RPS6KA3: variants seen among roughly 807,000 people sequenced by gnomAD.
The protein encoded by RPS6KA3 is ribosomal protein S6 kinase alpha-3.
Under a neutral mutation model 67.2 loss-of-function variants are expected in RPS6KA3, and 4 were observed. The observed-to-expected ratio is 0.06, with a 90% confidence interval of 0.03 to 0.14. The LOEUF (loss-of-function observed/expected upper bound fraction) is 0.14. Among genes scored for constraint, RPS6KA3 ranks in the 10% least tolerant of loss-of-function variants. The pLI, the probability that RPS6KA3 is intolerant of heterozygous loss-of-function variation, is 1.00. For synonymous variants in RPS6KA3, 182 were observed against 183.7 expected (o/e 0.99, Z 0.07); for missense variants, 204 against 559.0 (o/e 0.36, Z 6.40).
At chrX:20,228,566 T>C (rs111829478) in intron 2 of RPS6KA3, among the ~76,000 whole-genome samples, 3,493 of 111,068 alleles carry the variant, frequency 0.031, 136 homozygotes, top group African/African-American at 0.1. Context: ...CTGTGAAATA[T>C]CTTCTGTCTC....
chrX:20,238,166 C>T (rs925007764), intron 1 of RPS6KA3, among the ~76,000 whole-genome samples: 13 of 111,445 alleles, frequency 1.2e-4, no homozygotes, highest in African/African-American at 4.2e-4. Flanking sequence ...TCTCTGAACA[C>T]ACTCCAAATC....
intron 1 of RPS6KA3, among the ~76,000 whole-genome samples, chrX:20,265,127 T>C (rs1161437088): frequency 1.8e-5 from 2 of 111,822 alleles, no homozygotes; most frequent in Admixed American, 9.5e-5. Flanking sequence ...AAGAGCAGCA[T>C]TTAGTTCAGG....
At chrX:20,198,073 G>T (rs772964834) in intron 4 of RPS6KA3, among the ~76,000 whole-genome samples, 1 of 112,044 alleles carries the variant, frequency 8.9e-6, no homozygotes, top group African/African-American at 3.2e-5. Flanking sequence ...TAATGTTATT[G>T]ACTTGTATTT....
chrX:20,250,177 T>C (rs987677081), intron 1 of RPS6KA3, among the ~76,000 whole-genome samples: 1 of 111,437 alleles, frequency 9.0e-6, no homozygotes, highest in African/African-American at 3.3e-5. Flanking sequence ...CTTAAAATCA[T>C]TTGGAAGGGT....
intron 2 of RPS6KA3, among the ~76,000 whole-genome samples, chrX:20,221,926 G>A (rs1226940871): frequency 8.9e-6 from 1 of 112,547 alleles, no homozygotes; most frequent in East Asian, 2.8e-4. Flanking sequence ...TAATAAGGAA[G>A]GAACCACATC....
intron 6 of RPS6KA3, among the ~76,000 whole-genome samples, 196 bp from the exon 7 acceptor site, chrX:20,193,789 T>C (rs963328975): frequency 1.8e-5 from 2 of 112,355 alleles, no homozygotes; most frequent in African/African-American, 3.2e-5. Context: ...ATACTAACTA[T>C]GCACTATGGG....
chrX:20,157,880 G>A (rs2067223603), intron 20 of RPS6KA3, among the ~76,000 whole-genome samples: 1 of 111,623 alleles, frequency 9.0e-6, no homozygotes, highest in South Asian at 3.7e-4. Context: ...TTACCGTGAA[G>A]GAGAATGTGG....
At chrX:20,165,171 C>G in intron 17 of RPS6KA3, 111 bp from the exon 18 acceptor site, 1 of 580,437 alleles carries the variant, frequency 1.7e-6, no homozygotes, top group Non-Finnish European at 3.0e-6. Context: ...GAGTGCTGAC[C>G]TTTAAATTAG....
intron 4 of RPS6KA3, among the ~76,000 whole-genome samples, chrX:20,195,876 C>T (rs894519009): frequency 6.3e-5 from 7 of 111,892 alleles, no homozygotes; most frequent in Non-Finnish European, 1.1e-4. Flanking sequence ...AGCATATGAC[C>T]ATTTGAGATA....
intron 1 of RPS6KA3, among the ~76,000 whole-genome samples, chrX:20,253,932 G>A (rs2069959641): frequency 9.0e-6 from 1 of 110,987 alleles, no homozygotes; most frequent in South Asian, 3.9e-4. Context: ...GTGGTGGGCA[G>A]GAGATAGCTT....
chrX:20,238,168 C>T (rs2069463996), intron 1 of RPS6KA3, among the ~76,000 whole-genome samples: 1 of 111,486 alleles, frequency 9.0e-6, no homozygotes, highest in African/African-American at 3.3e-5. Context: ...TCTGAACACA[C>T]TCCAAATCAT....
intron 10 of RPS6KA3, among the ~76,000 whole-genome samples, chrX:20,182,823 T>C (rs1288864789): frequency 8.9e-6 from 1 of 111,839 alleles, no homozygotes; most frequent in Non-Finnish European, 1.9e-5. Context: ...CTTCCAGCTA[T>C]GTATAAAAGT....
At chrX:20,241,248 A>G (rs1206198547) in intron 1 of RPS6KA3, among the ~76,000 whole-genome samples, 1 of 109,475 alleles carries the variant, frequency 9.1e-6, no homozygotes, top group Non-Finnish European at 1.9e-5. Flanking sequence ...GATCCACCTC[A>G]TGTTTTTTGA....
chrX:20,253,556 C>A (rs56795160), intron 1 of RPS6KA3, among the ~76,000 whole-genome samples: 36,492 of 109,897 alleles, frequency 0.33, 7,494 homozygotes, highest in African/African-American at 0.77. Flanking sequence ...GTTATGTCTA[C>A]AGTGTTTTCG....
At chrX:20,215,912 T>C (rs960781545) in intron 2 of RPS6KA3, among the ~76,000 whole-genome samples, 1 of 112,308 alleles carries the variant, frequency 8.9e-6, no homozygotes, top group Non-Finnish European at 1.9e-5. Flanking sequence ...AAAATTATAG[T>C]TTGACTTGAC....
intron 1 of RPS6KA3, among the ~76,000 whole-genome samples, chrX:20,241,091 A>C (rs1343183941): frequency 9.0e-6 from 1 of 111,040 alleles, no homozygotes; most frequent in East Asian, 2.8e-4. Flanking sequence ...CTAGCTACTT[A>C]AGGTCTGTTA....
chrX:20,211,531 C>T (rs2068713640), intron 2 of RPS6KA3, among the ~76,000 whole-genome samples: 1 of 106,906 alleles, frequency 9.4e-6, no homozygotes, highest in East Asian at 2.8e-4. Flanking sequence ...GGTAGCACAT[C>T]CTTAGCAGGA....
At chrX:20,237,091 G>C (rs1056248031) in intron 1 of RPS6KA3, among the ~76,000 whole-genome samples, 7 of 111,642 alleles carry the variant, frequency 6.3e-5, no homozygotes, top group African/African-American at 2.3e-4. Flanking sequence ...TGAGTTAAAT[G>C]ATATAAAACC....
intron 2 of RPS6KA3, among the ~76,000 whole-genome samples, chrX:20,225,032 C>A (rs987689048): frequency 9.0e-6 from 1 of 111,144 alleles, no homozygotes; most frequent in Non-Finnish European, 1.9e-5. Flanking sequence ...TTTCCATATG[C>A]CAGTATTTCA....
Sources: gnomAD v4.1 joint callset for allele counts (sites outside exome capture counted in the v4.1 genomes callset) on GRCh38, gnomAD v4.1.1 for gene constraint, MANE v1.5 for transcripts, NCBI Gene and HGNC (gene_info 2026-07-23, HGNC 2026-07-21) for gene names.